The following RBFOX1 variants were observed in gnomAD, a reference collection of about 807,000 sequenced individuals.
RBFOX1 encodes RNA binding fox-1 homolog 1.
RBFOX1 carries 8 observed loss-of-function variants against 57.7 expected under a neutral mutation model. That is an observed-to-expected ratio of 0.14 (90% confidence interval 0.08 to 0.25). RBFOX1 has a LOEUF of 0.25. Ranked by LOEUF, RBFOX1 falls within the 10% of genes least tolerant of loss-of-function variation. The pLI is 1.00. For synonymous variants in RBFOX1, 326 were observed against 222.4 expected (o/e 1.47, Z -4.15); for missense variants, 611 against 548.5 (o/e 1.11, Z -1.14).
chr16:7,206,523 C>G (rs574724178), intron 4 of RBFOX1, among the ~76,000 whole-genome samples: 288 of 151,950 alleles, frequency 1.9e-3, no homozygotes, highest in African/African-American at 6.7e-3. Context: ...AAGACACTTG[C>G]AAGCTCTCAA....
rs531843186 is a variant in RBFOX1 at position 5,912,822 on chromosome 16, G to A, written c.351+45487G>A. The stretch of plus-strand genomic sequence containing the variant: ...AGATTAGGAGAGCTGGTTTGGCGAT[G>A]AAAGTGAAGTTCTAATGAGGAAAAG... On this transcript the variant is annotated intron_variant, in intron 4 of 19. Transcript: ENST00000641259. 2.0e-5 allele frequency among the ~76,000 whole-genome samples: 3 copies of A among 152,292 alleles called. No homozygotes were observed. In the East Asian group the frequency reaches 5.8e-4, roughly 29 times the overall value.
chr16:6,808,158 A>ATGTGTG (rs1434357255), intron 3 of RBFOX1, among the ~76,000 whole-genome samples: 9 of 104,582 alleles, frequency 8.6e-5, no homozygotes, highest in Middle Eastern at 4.9e-3. Flanking sequence ...TATACCTTAT[A>ATGTGTG]TATGTGTGTG....
intron 3 of RBFOX1, among the ~76,000 whole-genome samples, chr16:6,799,734 T>C (rs1168290530): frequency 6.6e-6 from 1 of 152,152 alleles, no homozygotes; most frequent in Non-Finnish European, 1.5e-5. Context: ...GGATACTTCT[T>C]GCCCTTGACC....
At chr16:5,741,284 G>T (rs908235226) in intron 3 of RBFOX1, among the ~76,000 whole-genome samples, 5 of 152,266 alleles carry the variant, frequency 3.3e-5, no homozygotes, top group African/African-American at 9.6e-5. Flanking sequence ...GAGTCATAAG[G>T]CCGCAAGCCC....
chr16:6,545,318 C>T (rs758695340), intron 2 of RBFOX1, among the ~76,000 whole-genome samples: 10 of 152,132 alleles, frequency 6.6e-5, no homozygotes, highest in Non-Finnish European at 1.2e-4. Context: ...AATAAAAACC[C>T]AAACGTAAAA....
At chr16:6,697,754 C>T (rs1046171047) in intron 3 of RBFOX1, among the ~76,000 whole-genome samples, 2 of 152,164 alleles carry the variant, frequency 1.3e-5, no homozygotes, top group African/African-American at 4.8e-5. Context: ...GGAAGGAAAA[C>T]AGATACTGAG....
At chr16:6,882,167 C>T (rs186167908) in intron 3 of RBFOX1, among the ~76,000 whole-genome samples, 1 of 152,082 alleles carries the variant, frequency 6.6e-6, no homozygotes, top group Non-Finnish European at 1.5e-5. Context: ...TTAATTCTGT[C>T]TCTAGCTTCT....
At chr16:6,093,226 A>G (rs1315092066) in intron 1 of RBFOX1, among the ~76,000 whole-genome samples, 1 of 152,166 alleles carries the variant, frequency 6.6e-6, no homozygotes, top group Non-Finnish European at 1.5e-5. Context: ...ATTTTAATAT[A>G]TACTAATTAA....
At chr16:7,238,668 A>G (rs2093900503) in intron 4 of RBFOX1, among the ~76,000 whole-genome samples, 3 of 152,148 alleles carry the variant, frequency 2.0e-5, no homozygotes, top group Admixed American at 1.3e-4. Flanking sequence ...CTTCAGGGGT[A>G]CAAGTGCAGG....
chr16:6,328,045 C>A (rs888261891), intron 2 of RBFOX1, among the ~76,000 whole-genome samples: 3 of 152,090 alleles, frequency 2.0e-5, no homozygotes, highest in Non-Finnish European at 4.4e-5. Flanking sequence ...AGCCCTAATG[C>A]CCATCAATCA....
At chr16:5,648,412 G>A (rs1301534896) in intron 3 of RBFOX1, among the ~76,000 whole-genome samples, 1 of 152,194 alleles carries the variant, frequency 6.6e-6, no homozygotes, top group Non-Finnish European at 1.5e-5. Flanking sequence ...GCCAGAAGAG[G>A]GGACACTGGG....
chr16:7,341,789 T>TC (rs1334059990), intron 4 of RBFOX1, among the ~76,000 whole-genome samples: 2 of 77,374 alleles, frequency 2.6e-5, no homozygotes, highest in Non-Finnish European at 5.3e-5. Context: ...CTTCCTTCCT[T>TC]CCTTCCTTCC....
intron 2 of RBFOX1, among the ~76,000 whole-genome samples, chr16:6,359,022 C>A (rs1249065444): frequency 2.0e-5 from 3 of 152,170 alleles, no homozygotes; most frequent in Admixed American, 6.5e-5. Context: ...CTTCCAAAAC[C>A]TGGCTCTAAG....
intron 2 of RBFOX1, among the ~76,000 whole-genome samples, chr16:6,374,174 C>A (rs898652357): frequency 1.3e-5 from 2 of 152,186 alleles, no homozygotes; most frequent in Middle Eastern, 3.4e-3. Context: ...ATTCAGTTGC[C>A]CCAAAATTAT....
At chr16:6,395,339 G>C (rs2092781015) in intron 2 of RBFOX1, among the ~76,000 whole-genome samples, 1 of 152,158 alleles carries the variant, frequency 6.6e-6, no homozygotes. Context: ...TGAAAACTCT[G>C]TCAAAGCCAT....
chr16:5,446,456 A>G (rs1474870198), intron 1 of RBFOX1, among the ~76,000 whole-genome samples: 1 of 152,038 alleles, frequency 6.6e-6, no homozygotes, highest in Non-Finnish European at 1.5e-5. Flanking sequence ...GGAAGATTCT[A>G]CCTCTTTAGC....
At chr16:7,217,934 G>C (rs1450101201) in intron 4 of RBFOX1, among the ~76,000 whole-genome samples, 2 of 151,336 alleles carry the variant, frequency 1.3e-5, no homozygotes, top group Non-Finnish European at 1.5e-5. Context: ...AGGTGTGTGC[G>C]TGCATGTGTG....
At chr16:5,539,177 G>T (rs2151055254) in intron 2 of RBFOX1, among the ~76,000 whole-genome samples, 1 of 152,314 alleles carries the variant, frequency 6.6e-6, no homozygotes, top group South Asian at 2.1e-4. Context: ...AGGAAGTGCT[G>T]GGAGAGAATG....
At chr16:6,278,227 T>G (rs1476406088) in intron 1 of RBFOX1, among the ~76,000 whole-genome samples, 3 of 152,016 alleles carry the variant, frequency 2.0e-5, no homozygotes, top group African/African-American at 7.2e-5. Flanking sequence ...TTTTGAGGGA[T>G]GATTCGTTGC....
Sources: gnomAD v4.1 joint callset for allele counts (sites outside exome capture counted in the v4.1 genomes callset) on GRCh38, gnomAD v4.1.1 for gene constraint, MANE v1.5 for transcripts, NCBI Gene and HGNC (gene_info 2026-07-23, HGNC 2026-07-21) for gene names.